The following SORCS2 variants were observed in gnomAD, a reference collection of about 807,000 sequenced individuals.
SORCS2 encodes the protein sortilin related VPS10 domain containing receptor 2, also known as VPS10 domain-containing receptor SorCS2.
Under a neutral mutation model 141.6 loss-of-function variants are expected in SORCS2, and 100 were observed. The ratio of observed to expected loss-of-function variants is 0.71; its 90% CI spans 0.60 to 0.83. The LOEUF is 0.83. Ranked by LOEUF, SORCS2 falls within the 40% of genes least tolerant of loss-of-function variation. The probability of loss-of-function intolerance (pLI) is 0.00; values close to 1 mark genes in which losing one functional copy is unlikely to be tolerated. For synonymous variants in SORCS2, 789 were observed against 676.9 expected (o/e 1.17, Z -2.57); for missense variants, 1,646 against 1,560.2 (o/e 1.05, Z -0.93).
In SORCS2 at chr4:7,726,720, C is replaced by T. The variant is rs900967807; in HGVS notation, c.2746-60C>T. 7.0e-6 allele frequency: 11 copies of T among 1,581,052 alleles called. No individual in the cohort carries two copies. In the African/African-American group the frequency reaches 9.4e-5, roughly 14 times the overall value. On this transcript the variant is annotated intron_variant, in intron 20 of 26. Transcript: ENST00000507866. ...CAGTGAGGCAGCGACCATAGGCCAG[C>T]GTCCCCCACGGCCGCTGCCTCACTC...
At chr4:7,693,344 C>T (rs1724380058) in intron 11 of SORCS2, among the ~76,000 whole-genome samples, 1 of 152,246 alleles carries the variant, frequency 6.6e-6, no homozygotes, top group Non-Finnish European at 1.5e-5. Flanking sequence ...CCTGCACGGC[C>T]TGTGGCCAGC....
chr4:7,299,220 C>A (rs11721369), intron 1 of SORCS2, among the ~76,000 whole-genome samples: 3,731 of 152,336 alleles, frequency 0.024, 60 homozygotes, highest in Non-Finnish European at 0.036. Context: ...CGGAGCCAGG[C>A]GAGGTGGGGG....
chr4:7,640,068 TGA>T (rs1720577701), intron 4 of SORCS2, among the ~76,000 whole-genome samples: 1 of 150,402 alleles, frequency 6.6e-6, no homozygotes. Context: ...TGTGTGTTTA[TGA>T]GTGTGAAACA....
chr4:7,201,895 C>T lies in SORCS2; in HGVS notation c.480+8769C>T, dbSNP rs979764920. Among the ~76,000 whole-genome samples the T allele has an allele frequency of 6.6e-5, 10 of 152,180 alleles. No homozygotes were observed. Among genetic ancestry groups the T allele is most frequent in the African/African-American group, 2.2e-4 (9 of 41,444 alleles). ...AAGTCCAGGGAGCAGAGATCCCTGGCTCTGGCCACCGGGAGGGCAAGGTCT... is the reference window on the plus strand; with the variant it reads ...AAGTCCAGGGAGCAGAGATCCCTGGTTCTGGCCACCGGGAGGGCAAGGTCT... On this transcript the variant is annotated intron_variant, in intron 1 of 26. Transcript: ENST00000507866. This position sits in a 1 kb window ranked among gnomAD's most constrained non-coding sequence, Gnocchi z 4.4.
At chr4:7,224,492 A>G (rs1285510598) in intron 1 of SORCS2, among the ~76,000 whole-genome samples, 6 of 148,856 alleles carry the variant, frequency 4.0e-5, no homozygotes, top group East Asian at 2.0e-4. Flanking sequence ...TGCTTTGGTC[A>G]GCTGCTGCTT....
At chr4:7,343,726 G>A (rs546476414) in intron 1 of SORCS2, among the ~76,000 whole-genome samples, 15 of 152,302 alleles carry the variant, frequency 9.8e-5, no homozygotes, top group African/African-American at 2.4e-4. Context: ...AGATGGGGCC[G>A]CCACTAGCAC....
At chr4:7,220,759 A>G (rs1728655589) in intron 1 of SORCS2, among the ~76,000 whole-genome samples, 1 of 152,102 alleles carries the variant, frequency 6.6e-6, no homozygotes, top group African/African-American at 2.4e-5. Context: ...GGTGTGAAAC[A>G]TGCCACTTTC....
chr4:7,213,440 AT>A (rs1258868402), intron 1 of SORCS2, among the ~76,000 whole-genome samples: 1 of 152,178 alleles, frequency 6.6e-6, no homozygotes, highest in Non-Finnish European at 1.5e-5. Context: ...AGTCAGGGAA[AT>A]GGTGCAGACA....
At chr4:7,735,315 C>G (rs913852288) in intron 25 of SORCS2, 2 of 154,570 alleles carry the variant, frequency 1.3e-5, no homozygotes, top group African/African-American at 2.4e-5. Flanking sequence ...CAAGCCCCAG[C>G]CTTTCATGGG....
At chr4:7,330,879 G>A (rs13142240) in intron 1 of SORCS2, among the ~76,000 whole-genome samples, 36,306 of 151,934 alleles carry the variant, frequency 0.24, 5,499 homozygotes, top group East Asian at 0.4. Flanking sequence ...ACGTGGACTC[G>A]CGGCCGCCAT....
rs76813034 is a variant in SORCS2 at position 7,676,456 on chromosome 4, A to G, written c.1341+227A>G. Reference sequence around the variant, plus strand: ...TTTCCTTCTTGAGGAAATTCGAAATACAATGATCATCAAGTATAAGTTCTT... The same window carrying G: ...TTTCCTTCTTGAGGAAATTCGAAATGCAATGATCATCAAGTATAAGTTCTT... On this transcript the variant is annotated intron_variant, in intron 9 of 26. Transcript: ENST00000507866. Among the ~76,000 whole-genome samples, 133 of 152,374 alleles carry G rather than the reference A, an allele frequency of 8.7e-4. 1 individual carries two copies. The East Asian group carries it at 0.023, about 26-fold the overall frequency.
At chr4:7,262,253 C>T (rs112367937) in intron 1 of SORCS2, among the ~76,000 whole-genome samples, 3 of 113,570 alleles carry the variant, frequency 2.6e-5, no homozygotes, top group Non-Finnish European at 4.2e-5. Context: ...CATCCATCCA[C>T]CCACCTATCC....
intron 1 of SORCS2, among the ~76,000 whole-genome samples, chr4:7,299,456 C>T (rs1168741762): frequency 6.6e-6 from 1 of 152,218 alleles, no homozygotes; most frequent in Non-Finnish European, 1.5e-5. Context: ...TCTCGGGGAC[C>T]ATCTGGCCTG....
chr4:7,325,353 A>G (rs143910381), intron 1 of SORCS2, among the ~76,000 whole-genome samples: 4 of 152,306 alleles, frequency 2.6e-5, no homozygotes, highest in African/African-American at 9.6e-5. Context: ...ATGTTGGCAA[A>G]AACCTACCTC....
chr4:7,192,858 C>T lies in SORCS2; in HGVS notation c.212C>T (p.Pro71Leu), dbSNP rs1354860191. 2 of 1,059,802 alleles carry T rather than the reference C, an allele frequency of 1.9e-6. No homozygotes were observed. The highest frequency in any genetic ancestry group is 1.7e-5 in the African/African-American group (1 of 58,602). 65.6% of individuals were successfully genotyped at this position (1,059,802 alleles called of 1,614,324 possible). A position where few individuals can be genotyped will look rare whatever the true frequency, so the allele number is the denominator to read the frequency against. Residue 71 changes from proline (P) to leucine (L), a missense_variant, in exon 1 of 27, where the codon CCT becomes CTT. Transcript: ENST00000507866. The surrounding 1 kb of genome is among the most constrained non-coding windows in gnomAD (Gnocchi z 4.0). Reference sequence around the variant, plus strand: ...CAACTGACCCGGGTGCCGCGGAGCCCTCCCGCGGGGCGCGCGGAGCCCGGT... The same window carrying T: ...CAACTGACCCGGGTGCCGCGGAGCCTTCCCGCGGGGCGCGCGGAGCCCGGT... ...HAQLTRVPRS[P>L]PAGRAEPGGG... is the part of the protein sequence containing the mutation.
intron 2 of SORCS2, among the ~76,000 whole-genome samples, chr4:7,489,400 C>T (rs1731186774): frequency 6.6e-6 from 1 of 152,078 alleles, no homozygotes; most frequent in South Asian, 2.1e-4. Flanking sequence ...TTTTCGAGTT[C>T]CTTGGCTGCT....
intron 1 of SORCS2, among the ~76,000 whole-genome samples, chr4:7,258,247 C>T (rs1399093144): frequency 6.6e-6 from 1 of 152,156 alleles, no homozygotes; most frequent in Non-Finnish European, 1.5e-5. Flanking sequence ...TTGCTGCACC[C>T]ATCAACTTGT....
chr4:7,300,932 C>T (rs984799627), intron 1 of SORCS2, among the ~76,000 whole-genome samples: 5 of 152,194 alleles, frequency 3.3e-5, no homozygotes, highest in Admixed American at 2.0e-4. Flanking sequence ...TTCCTGCCTC[C>T]GTGCCTGGGC....
At chr4:7,473,855 G>A (rs539952908) in intron 2 of SORCS2, among the ~76,000 whole-genome samples, 64 of 152,294 alleles carry the variant, frequency 4.2e-4, no homozygotes, top group African/African-American at 1.4e-3. Context: ...CGGGGTCTGG[G>A]GGGAGAGGGG....
Sources: gnomAD v4.1 joint callset for allele counts (sites outside exome capture counted in the v4.1 genomes callset) on GRCh38, gnomAD v4.1.1 for gene constraint, Gnocchi (gnomAD v3.1) non-coding constraint, MANE v1.5 for transcripts, NCBI Gene and HGNC (gene_info 2026-07-23, HGNC 2026-07-21) for gene names.